The following NAA16 variants were observed in gnomAD, a reference collection of about 807,000 sequenced individuals.
NAA16 encodes the protein NARG1-like protein.
Under a neutral mutation model 110.3 loss-of-function variants are expected in NAA16, and 97 were observed. The ratio of observed to expected loss-of-function variants is 0.88; its 90% CI spans 0.75 to 1.04. The LOEUF is 1.04. Among genes scored for constraint, NAA16 ranks in the 50% least tolerant of loss-of-function variants. The probability of loss-of-function intolerance (pLI) is 0.00; values close to 1 mark genes in which losing one functional copy is unlikely to be tolerated. For missense variants in NAA16, 1,017 were observed against 1,005.1 expected (o/e 1.01, Z -0.16); for synonymous variants, 372 against 330.6 (o/e 1.13, Z -1.36).
At chr13:41,320,457 A>T (rs533119764) in intron 3 of NAA16, among the ~76,000 whole-genome samples, 3 of 152,126 alleles carry the variant, frequency 2.0e-5, no homozygotes, top group African/African-American at 7.2e-5. Flanking sequence ...CCATGTGGCC[A>T]TTACCCAGGT....
intron 1 of NAA16, 43 bp downstream of exon 1, chr13:41,311,625 T>G: frequency 6.4e-7 from 1 of 1,572,534 alleles, no homozygotes; most frequent in Non-Finnish European, 8.6e-7. Flanking sequence ...GGTCCCCGGG[T>G]CCTCGGGCCT....
At chr13:41,319,583 C>A (rs1228856380) in intron 3 of NAA16, among the ~76,000 whole-genome samples, 1 of 152,052 alleles carries the variant, frequency 6.6e-6, no homozygotes, top group Admixed American at 6.6e-5. Context: ...GTGGCATGAT[C>A]TAGGCTTACT....
intron 9 of NAA16, among the ~76,000 whole-genome samples, chr13:41,346,618 G>A (rs1199534849): frequency 2.0e-5 from 3 of 152,154 alleles, no homozygotes; most frequent in East Asian, 1.9e-4. Flanking sequence ...TTAGACTGGC[G>A]GGGTGGTCTC....
intron 4 of NAA16, among the ~76,000 whole-genome samples, chr13:41,322,780 A>C (rs1046148617): frequency 2.6e-5 from 4 of 152,206 alleles, no homozygotes; most frequent in Non-Finnish European, 5.9e-5. Context: ...AGTTACCAAA[A>C]AAAAAAAATT....
intron 2 of NAA16, among the ~76,000 whole-genome samples, chr13:41,317,925 A>G (rs1396042268): frequency 6.6e-6 from 1 of 152,212 alleles, no homozygotes; most frequent in Non-Finnish European, 1.5e-5. Context: ...TTTTGTTGCC[A>G]CTACCATCAT....
intron 10 of NAA16, among the ~76,000 whole-genome samples, chr13:41,357,780 T>C (rs753570206): frequency 1.3e-5 from 2 of 152,202 alleles, no homozygotes; most frequent in African/African-American, 4.8e-5. Flanking sequence ...TTTTTTCTAC[T>C]TAGGTTTTTG....
chr13:41,325,625 G>A (rs1194172185), intron 5 of NAA16, 73 bp from the exon 6 acceptor site: 1 of 918,948 alleles, frequency 1.1e-6, no homozygotes, highest in Non-Finnish European at 1.6e-6. Flanking sequence ...CTCCTGAGAA[G>A]GCAGTTTAAT....
intron 17 of NAA16, chr13:41,373,112 A>G (rs2043355266): frequency 2.1e-6 from 2 of 943,902 alleles, no homozygotes; most frequent in Non-Finnish European, 2.5e-6. Context: ...TAGTTAAATG[A>G]ACGTGTCTAT....
intron 3 of NAA16, among the ~76,000 whole-genome samples, chr13:41,319,176 G>A (rs1468240886): frequency 6.6e-6 from 1 of 152,072 alleles, no homozygotes; most frequent in African/African-American, 2.4e-5. Context: ...TATAAAATGT[G>A]CTTACTTCTG....
chr13:41,343,205 A>G (rs547084704), intron 9 of NAA16, among the ~76,000 whole-genome samples: 1 of 152,068 alleles, frequency 6.6e-6, no homozygotes, highest in South Asian at 2.1e-4. Flanking sequence ...CCTGGGTTCA[A>G]GTGATCCTTC....
At chr13:41,329,396 TA>T (rs2139408165) in intron 7 of NAA16, among the ~76,000 whole-genome samples, 1 of 152,042 alleles carries the variant, frequency 6.6e-6, no homozygotes, top group Non-Finnish European at 1.5e-5. Context: ...AATATTTTCA[TA>T]ATTAAGTGTT....
At chr13:41,318,381 T>G (rs1458150015) in intron 2 of NAA16, among the ~76,000 whole-genome samples, 1 of 152,088 alleles carries the variant, frequency 6.6e-6, no homozygotes, top group Non-Finnish European at 1.5e-5. Context: ...AATTTTTGTT[T>G]AGTAGAGACG....
In NAA16 at chr13:41,375,714, TAAATGGCATATTCTGTAAGC is replaced by T; in HGVS notation, c.*113_*132del. Reference sequence around the variant, plus strand: ...AAATGAAATATTTGGTTAGGATTTTTAAATGGCATATTCTGTAAGCTTATTTTGTTCTTTACCCGACCTGC... The same window carrying T: ...AAATGAAATATTTGGTTAGGATTTTTTTATTTTGTTCTTTACCCGACCTGC... On this transcript the variant is annotated 3_prime_UTR_variant, in exon 20 of 20. Coordinates refer to ENST00000379406, the MANE Select transcript of NAA16 (RefSeq NM_024561.5). 1.3e-6 allele frequency: 1 copy of T among 771,936 alleles called. No homozygotes were observed. The allele number at this position is 771,936 out of a possible 1,614,324, so 47.8% of individuals were successfully genotyped here. A position where few individuals can be genotyped will look rare whatever the true frequency, so the allele number is the denominator to read the frequency against.
intron 2 of NAA16, among the ~76,000 whole-genome samples, chr13:41,317,896 A>G (rs1402050063): frequency 6.6e-6 from 1 of 152,194 alleles, no homozygotes; most frequent in Non-Finnish European, 1.5e-5. Context: ...ACCATCTTTT[A>G]TTAACTTCCT....
intron 12 of NAA16, 126 bp downstream of exon 12, chr13:41,359,088 T>TGTTAAATGGGA: frequency 1.3e-6 from 1 of 766,652 alleles, no homozygotes; most frequent in Non-Finnish European, 1.8e-6. Flanking sequence ...TATTATTGTT[T>TGTTAAATGGGA]TTTAAAATCC....
chr13:41,323,287 A>T, intron 5 of NAA16, 97 bp downstream of exon 5: 1 of 1,238,218 alleles, frequency 8.1e-7, no homozygotes, highest in Non-Finnish European at 1.1e-6. Context: ...TTTGAAACCT[A>T]TGGAAAACGG....
chr13:41,339,633 C>G (rs1014034850), intron 9 of NAA16, among the ~76,000 whole-genome samples: 6 of 152,218 alleles, frequency 3.9e-5, no homozygotes, highest in Non-Finnish European at 7.4e-5. Context: ...TCTCGGCTCA[C>G]TGCAACCTCC....
At position 41,341,788 on chromosome 13, in the gene NAA16, A is replaced by G. The variant is rs190866182; in HGVS notation, c.1014+5032A>G. Among the ~76,000 whole-genome samples the G allele has an allele frequency of 3.8e-3, 584 of 152,046 alleles. 2 individuals are homozygous for G. The highest frequency in any genetic ancestry group is 0.013 in the African/African-American group (551 of 41,454). On this transcript the variant is annotated intron_variant, in intron 9 of 19. Transcript: ENST00000379406. Reference sequence around the variant, plus strand: ...GTACTTGAAGTGCACAGATGTTTTCATCTGTCACTTTGTATTGTAGTCTTT... The same window carrying G: ...GTACTTGAAGTGCACAGATGTTTTCGTCTGTCACTTTGTATTGTAGTCTTT...
chr13:41,369,267 C>T lies in NAA16; in HGVS notation c.1931C>T (p.Pro644Leu), dbSNP rs1566301488. The T allele has an allele frequency of 1.3e-6, 2 of 1,566,670 alleles. No individual in the cohort carries two copies. The highest frequency in any genetic ancestry group is 2.3e-5 in the East Asian group (1 of 44,246). Residue 644 changes from proline to leucine, a missense_variant, in exon 15 of 20, where the codon CCT becomes CTT. Transcript: ENST00000379406. ...EASGLKEELI[P>L]EKLERVENPL... ...AGTGGCCTTAAGGAAGAACTTATAC[C>T]TGAAAAATTAGAAAGGGTGAGATGG...
Sources: gnomAD v4.1 joint callset for allele counts (sites outside exome capture counted in the v4.1 genomes callset) on GRCh38, gnomAD v4.1.1 for gene constraint, MANE v1.5 for transcripts, NCBI Gene and HGNC (gene_info 2026-07-23, HGNC 2026-07-21) for gene names.